Variants in LRRIQ1 observed in about 807,000 individuals in gnomAD.
The protein encoded by LRRIQ1 is leucine rich repeats and IQ motif containing 1, also known as leucine-rich repeat- and IQ domain-containing protein 1.
In LRRIQ1, 210 loss-of-function variants were observed where a neutral mutation model predicts 211.9. The ratio of observed to expected loss-of-function variants is 0.99; its 90% CI spans 0.89 to 1.11. LRRIQ1 has a LOEUF of 1.11. Among genes scored for constraint, LRRIQ1 ranks in the 50% most tolerant of loss-of-function variants. The pLI is 0.00. For synonymous variants in LRRIQ1, 699 were observed against 650.1 expected (o/e 1.08, Z -1.14); for missense variants, 2,136 against 1,939.5 (o/e 1.10, Z -1.90).
Position 85,066,904 on chromosome 12 carries a change from A to G in LRRIQ1, c.2695+6A>G, listed in dbSNP as rs1475466451. ...TAATAAAATTACTCGAATTGGTAAG[A>G]ACAATGAAATTTTAATATTTAAAGA... On this transcript the variant is annotated splice_donor_region_variant and intron_variant, in intron 10 of 26. Transcript: ENST00000393217. 1 of 1,399,266 alleles carries G rather than the reference A, an allele frequency of 7.1e-7. No individual in the cohort carries two copies. Among genetic ancestry groups the G allele is most frequent in the Non-Finnish European group, 9.7e-7 (1 of 1,036,172 alleles). 86.7% of individuals were successfully genotyped at this position (1,399,266 alleles called of 1,614,324 possible).
chr12:85,131,447 CT>C (rs781220294), intron 18 of LRRIQ1, among the ~76,000 whole-genome samples: 1 of 152,030 alleles, frequency 6.6e-6, no homozygotes, highest in Non-Finnish European at 1.5e-5. Flanking sequence ...CATTTTTACT[CT>C]GTTATAGCAC....
Position 85,056,889 on chromosome 12 carries a change from A to C in LRRIQ1, c.2096A>C (p.Lys699Thr). 1 of 1,613,532 alleles carries C rather than the reference A, an allele frequency of 6.2e-7. No homozygotes were observed. The highest frequency in any genetic ancestry group is 8.5e-7 in the Non-Finnish European group (1 of 1,179,620). ...NYNAESSMVSKEVNSLKSEIR... is the reference protein window; with the variant it reads ...NYNAESSMVSTEVNSLKSEIR... The stretch of plus-strand genomic sequence containing the variant: ...AATGCAGAAAGCTCCATGGTATCTA[A>C]AGAAGTCAACTCTCTTAAATCTGAG... Residue 699 changes from lysine (K) to threonine (T), a missense_variant, in exon 8 of 27, where the codon AAA (lysine) becomes ACA (threonine). By Grantham distance (78) the Lys-to-Thr change is moderately conservative. Coordinates refer to ENST00000393217, the MANE Select transcript of LRRIQ1 (RefSeq NM_001079910.2).
chr12:85,170,223 T>G (rs1281019760), intron 24 of LRRIQ1, among the ~76,000 whole-genome samples: 1 of 151,092 alleles, frequency 6.6e-6, no homozygotes, highest in Admixed American at 6.6e-5. Flanking sequence ...TAATTGAATA[T>G]TTGTGTTCTA....
At chr12:85,180,507 T>G (rs1891925014) in intron 24 of LRRIQ1, among the ~76,000 whole-genome samples, 1 of 151,936 alleles carries the variant, frequency 6.6e-6, no homozygotes, top group Non-Finnish European at 1.5e-5. Flanking sequence ...ACCTAATGGT[T>G]AGGAGAGTGG....
chr12:85,261,296 T>C (rs1896279808), intron 1 of LRRIQ1, among the ~76,000 whole-genome samples: 1 of 152,182 alleles, frequency 6.6e-6, no homozygotes, highest in African/African-American at 2.4e-5. Context: ...TGTATGGAGG[T>C]TCATTAACTC....
chr12:85,048,939 G>A (rs574104087), intron 6 of LRRIQ1, among the ~76,000 whole-genome samples: 1 of 152,262 alleles, frequency 6.6e-6, no homozygotes, highest in African/African-American at 2.4e-5. Flanking sequence ...TAAGGGCAAA[G>A]CATTCAGCTG....
intron 4 of LRRIQ1, among the ~76,000 whole-genome samples, chr12:85,045,688 T>C (rs962083027): frequency 6.6e-6 from 1 of 151,748 alleles, no homozygotes; most frequent in Non-Finnish European, 1.5e-5. Context: ...GTCAGAAAAA[T>C]AGAATATATT....
intron 24 of LRRIQ1, among the ~76,000 whole-genome samples, chr12:85,175,918 A>G (rs1228363614): frequency 1.3e-5 from 2 of 152,114 alleles, no homozygotes; most frequent in African/African-American, 2.4e-5. Context: ...GCCTTGTAAT[A>G]TAGTTTGAAG....
intron 5 of LRRIQ1, 123 bp downstream of exon 5, chr12:85,046,260 A>G (rs944895537): frequency 3.3e-6 from 2 of 599,924 alleles, no homozygotes; most frequent in African/African-American, 3.7e-5. Flanking sequence ...ATGTTTGAAG[A>G]TTATTGTGCC....
At chr12:85,215,444 C>T (rs984565078) in intron 24 of LRRIQ1, among the ~76,000 whole-genome samples, 2 of 152,066 alleles carry the variant, frequency 1.3e-5, no homozygotes, top group African/African-American at 4.8e-5. Flanking sequence ...ATTATTTTAT[C>T]ATCCAGGTAT....
intron 8 of LRRIQ1, among the ~76,000 whole-genome samples, chr12:85,064,908 C>T (rs940268526): frequency 2.0e-5 from 3 of 151,768 alleles, no homozygotes; most frequent in Non-Finnish European, 4.4e-5. Context: ...ATGCCAGTAC[C>T]ATGCTGTTTT....
intron 11 of LRRIQ1, among the ~76,000 whole-genome samples, chr12:85,081,172 T>C (rs1026289120): frequency 2.6e-5 from 4 of 152,160 alleles, no homozygotes; most frequent in Non-Finnish European, 4.4e-5. Context: ...AGAAGCCAAA[T>C]TGTGACCTCC....
intron 24 of LRRIQ1, among the ~76,000 whole-genome samples, chr12:85,207,065 A>G (rs116231984): frequency 0.02 from 3,075 of 152,268 alleles, 100 homozygotes; most frequent in African/African-American, 0.071. Context: ...CATGTCCTGG[A>G]GGACCGTGGG....
At chr12:85,169,396 G>A (rs1565881745) in intron 24 of LRRIQ1, among the ~76,000 whole-genome samples, 1 of 152,058 alleles carries the variant, frequency 6.6e-6, no homozygotes, top group Non-Finnish European at 1.5e-5. Context: ...TTTTTAATGT[G>A]ATATGATAGC....
chr12:85,110,935 G>A (rs1887127670), intron 15 of LRRIQ1, among the ~76,000 whole-genome samples: 1 of 152,048 alleles, frequency 6.6e-6, no homozygotes. Flanking sequence ...CAGCACCCCT[G>A]TAAGTTGGGT....
intron 1 of LRRIQ1, among the ~76,000 whole-genome samples, chr12:85,259,285 A>G (rs1315703805): frequency 1.3e-5 from 2 of 152,066 alleles, no homozygotes; most frequent in African/African-American, 2.4e-5. Flanking sequence ...TTTAGCTCCA[A>G]TATCAATATT....
intron 24 of LRRIQ1, among the ~76,000 whole-genome samples, chr12:85,219,767 C>T (rs1367922407): frequency 6.6e-6 from 1 of 152,054 alleles, no homozygotes; most frequent in East Asian, 1.9e-4. Context: ...TGATCAATTA[C>T]ATATATACTT....
intron 24 of LRRIQ1, among the ~76,000 whole-genome samples, chr12:85,219,700 G>T (rs2137121311): frequency 6.6e-6 from 1 of 151,946 alleles, no homozygotes; most frequent in Middle Eastern, 3.4e-3. Flanking sequence ...CAAAATTTCT[G>T]TTTTTTAAAC....
At chr12:85,082,916 AACAATCT>A (rs1241095397) in intron 11 of LRRIQ1, among the ~76,000 whole-genome samples, 7 of 152,206 alleles carry the variant, frequency 4.6e-5, no homozygotes, top group African/African-American at 1.7e-4. Flanking sequence ...TGGGGACACA[AACAATCT>A]ACAGTCATTT....
Sources: gnomAD v4.1 joint callset for allele counts (sites outside exome capture counted in the v4.1 genomes callset) on GRCh38, gnomAD v4.1.1 for gene constraint, MANE v1.5 for transcripts, NCBI Gene and HGNC (gene_info 2026-07-23, HGNC 2026-07-21) for gene names.